RPUSD4: variants seen among roughly 807,000 people sequenced by gnomAD.
The protein encoded by RPUSD4 is pseudouridylate synthase RPUSD4, mitochondrial.
In RPUSD4, 37 loss-of-function variants were observed where a neutral mutation model predicts 35.4. The ratio of observed to expected loss-of-function variants is 1.04; its 90% CI spans 0.80 to 1.37. The LOEUF (loss-of-function observed/expected upper bound fraction) is 1.37, where lower values mean the gene tolerates loss of function less well. Ranked by LOEUF, RPUSD4 falls within the 40% of genes most tolerant of loss-of-function variation. RPUSD4 has a pLI of 0.00. For synonymous variants in RPUSD4, 210 were observed against 192.7 expected (o/e 1.09, Z -0.74); for missense variants, 507 against 484.9 (o/e 1.05, Z -0.43).
At chr11:126,208,068 G>C (rs1266195532) in intron 3 of RPUSD4, among the ~76,000 whole-genome samples, 2 of 151,124 alleles carry the variant, frequency 1.3e-5, no homozygotes, top group Non-Finnish European at 2.9e-5. Context: ...CTTTAAAAAT[G>C]CTTTGGCTGA....
In RPUSD4 at chr11:126,209,605, C is replaced by T; in HGVS notation, c.473G>A (p.Gly158Asp). Residue 158 changes from glycine to aspartate, a missense_variant, in exon 3 of 7, where the codon GGT becomes GAT. Coordinates refer to ENST00000298317, the MANE Select transcript of RPUSD4 (RefSeq NM_032795.3). The part of the protein sequence containing the change: ...LCHRLDKETT[G>D]VMVLAWDKDM... ...CTTGTCCCAAGCCAACACCATTACA[C>T]CTGTGGTTTCCTTGTCCAGCCGGTG... 1 of 1,614,246 alleles carries T rather than the reference C, an allele frequency of 6.2e-7. No individual in the cohort carries two copies. The highest frequency in any genetic ancestry group is 8.5e-7 in the Non-Finnish European group (1 of 1,180,052).
intron 3 of RPUSD4, 25 bp downstream of exon 3, chr11:126,209,496 C>A: frequency 6.3e-7 from 1 of 1,597,456 alleles, no homozygotes; most frequent in Non-Finnish European, 8.6e-7. Flanking sequence ...TATACCACCT[C>A]TACTGCCATC....
chr11:126,205,749 G>A lies in RPUSD4; in HGVS notation c.590C>T (p.Ala197Val), dbSNP rs776682950. Reference protein sequence around the residue: ...AITVHVPMPSAGVVDIPIVEK... With the variant: ...AITVHVPMPSVGVVDIPIVEK... ...CACAATGGGGATGTCCACGACTCCT[G>A]CTGAGGGCATGGGGACATGCACAGT... The change falls in exon 4 of 7, where the codon GCA (alanine) becomes GTA (valine). Residue 197 changes from alanine (A) to valine (V), a missense_variant. Physicochemically the swap from Ala to Val is moderately conservative, Grantham distance 64. Coordinates refer to ENST00000298317, the MANE Select transcript of RPUSD4 (RefSeq NM_032795.3). The A allele has an allele frequency of 1.8e-5, 29 of 1,612,192 alleles. No individual in the cohort carries two copies. Among genetic ancestry groups the A allele is most frequent in the Non-Finnish European group, 2.5e-5 (29 of 1,178,914 alleles).
chr11:126,203,312 G>T lies in RPUSD4; in HGVS notation c.*106C>A. ...CTGTTCCAAGTGAGAAGTTAGCAGA[G>T]TCCTGTAAACAAAGAACAGTTCAGG... is the stretch of plus-strand genomic sequence containing the variant. On this transcript the variant is annotated 3_prime_UTR_variant, in exon 7 of 7. Transcript: ENST00000298317. The T allele has an allele frequency of 2.0e-6, 3 of 1,499,710 alleles. No individual in the cohort carries two copies. Among genetic ancestry groups the T allele is most frequent in the Non-Finnish European group, 2.7e-6 (3 of 1,111,338 alleles). 92.9% of individuals were successfully genotyped at this position (1,499,710 alleles called of 1,614,324 possible).
rs1949766632 is a variant in RPUSD4, at chr11:126,205,731, G to C, written c.608C>G (p.Pro203Arg). Residue 203 changes from proline (P) to arginine (R), a missense_variant, in exon 4 of 7, where the codon CCC (proline) becomes CGC (arginine). Transcript: ENST00000298317. ...GCCTTGCGCCTCCTTCTCCACAATGGGGATGTCCACGACTCCTGCTGAGGG... is the reference window on the plus strand; with the variant it reads ...GCCTTGCGCCTCCTTCTCCACAATGCGGATGTCCACGACTCCTGCTGAGGG... ...PMPSAGVVDIPIVEKEAQGQQ... is the reference protein window; with the variant it reads ...PMPSAGVVDIRIVEKEAQGQQ... 1.9e-6 allele frequency: 3 copies of C among 1,613,296 alleles called. No homozygotes were observed. Among genetic ancestry groups the C allele is most frequent in the Middle Eastern group, 3.3e-4 (2 of 6,054 alleles).
In RPUSD4 at chr11:126,203,626, C is replaced by A. The variant is rs909416676; in HGVS notation, c.926G>T (p.Gly309Val). 2 of 1,613,454 alleles carry A rather than the reference C, an allele frequency of 1.2e-6. No individual in the cohort carries two copies. Among genetic ancestry groups the A allele is most frequent in the Non-Finnish European group, 1.7e-6 (2 of 1,179,590 alleles). ...GTAGCGGGCCTTCGACTGTTCTAGC[C>A]CCAGCTTCTTCAGGGTGCCCACAGA... ...KLSVGTLKKL[G>V]LEQSKARYIP... Residue 309 changes from glycine to valine, a missense_variant, in exon 7 of 7, where the codon GGG (glycine) becomes GTG (valine). Physicochemically the swap from Gly to Val is moderately radical, Grantham distance 109 (BLOSUM62 -3). Transcript: ENST00000298317.
chr11:126,210,454 G>C (rs1949836814), intron 2 of RPUSD4, among the ~76,000 whole-genome samples: 2 of 151,648 alleles, frequency 1.3e-5, no homozygotes, highest in Admixed American at 6.6e-5. Flanking sequence ...TCTGTTGAAA[G>C]ACATTTGAAG....
At chr11:126,204,510 G>A (rs1230661146) in intron 5 of RPUSD4, among the ~76,000 whole-genome samples, 182 bp from the exon 6 acceptor site, 1 of 152,116 alleles carries the variant, frequency 6.6e-6, no homozygotes, top group East Asian at 1.9e-4. Context: ...AGCCAGTTTA[G>A]GAAGTAAACG....
chr11:126,211,076 GT>G, intron 1 of RPUSD4, 21 bp from the exon 2 acceptor site: 1 of 1,610,890 alleles, frequency 6.2e-7, no homozygotes, highest in Non-Finnish European at 8.5e-7. Flanking sequence ...AGAAGGAGCC[GT>G]GGGGAATGCC....
At chr11:126,207,797 C>T (rs1003016890) in intron 3 of RPUSD4, among the ~76,000 whole-genome samples, 1 of 151,984 alleles carries the variant, frequency 6.6e-6, no homozygotes, top group Non-Finnish European at 1.5e-5. Context: ...CAAGATTGTG[C>T]CACTGCCCTC....
Position 126,209,629 on chromosome 11 carries a change from T to C in RPUSD4, c.449A>G (p.His150Arg), listed in dbSNP as rs777000635. The change falls in exon 3 of 7, where the codon CAC (histidine) becomes CGC (arginine). Residue 150 changes from histidine (H) to arginine (R), a missense_variant. Transcript: ENST00000298317. ...ACCTGTGGTTTCCTTGTCCAGCCGG[T>C]GGCACAGATGCAAGGGCTCTGCCTT... Reference protein sequence around the residue: ...GHKAEPLHLCHRLDKETTGVM... With the variant: ...GHKAEPLHLCRRLDKETTGVM... 6.2e-7 allele frequency: 1 copy of C among 1,614,230 alleles called. No homozygotes were observed. The highest frequency in any genetic ancestry group is 8.5e-7 in the Non-Finnish European group (1 of 1,180,034).
chr11:126,210,518 C>CAT (rs906702723), intron 2 of RPUSD4, among the ~76,000 whole-genome samples: 29 of 123,118 alleles, frequency 2.4e-4, no homozygotes, highest in Non-Finnish European at 4.0e-4. Context: ...CTCCAACATA[C>CAT]ATACACACAC....
chr11:126,211,302 C>A, intron 1 of RPUSD4, 148 bp downstream of exon 1: 1 of 1,003,788 alleles, frequency 1.0e-6, no homozygotes, highest in East Asian at 2.4e-5. Flanking sequence ...CTTACTGACC[C>A]CTCCCCTCCG....
intron 1 of RPUSD4, 78 bp downstream of exon 1, chr11:126,211,372 G>A (rs1209502718): frequency 2.1e-6 from 3 of 1,449,686 alleles, no homozygotes; most frequent in African/African-American, 1.4e-5. Flanking sequence ...TTCACTCAGA[G>A]GACCCTCCTA....
chr11:126,210,794 A>AAATTCAATTAATTTAATTAATTTAATT, intron 2 of RPUSD4, 96 bp downstream of exon 2: 1 of 1,223,362 alleles, frequency 8.2e-7, no homozygotes, highest in Non-Finnish European at 1.1e-6. Flanking sequence ...ATTTGAATGC[A>AAATTCAATTAATTTAATTAATTTAATT]AGGCTTTAGA....
intron 5 of RPUSD4, among the ~76,000 whole-genome samples, chr11:126,204,541 T>C (rs1163842425): frequency 6.6e-6 from 1 of 152,140 alleles, no homozygotes; most frequent in Non-Finnish European, 1.5e-5. Context: ...TCTAAGTACC[T>C]CTCCCCACCA....
chr11:126,206,077 G>T, intron 3 of RPUSD4: 2 of 244,516 alleles, frequency 8.2e-6, no homozygotes, highest in Non-Finnish European at 1.5e-5. Flanking sequence ...GATATGTACA[G>T]TTAAAATAAA....
At chr11:126,205,824 G>T in intron 3 of RPUSD4, 43 bp from the exon 4 acceptor site, 1 of 1,479,372 alleles carries the variant, frequency 6.8e-7, no homozygotes, top group Non-Finnish European at 9.1e-7. Context: ...CCAAGCCAGA[G>T]AAGAACTCCT....
At chr11:126,208,102 C>A (rs1316791111) in intron 3 of RPUSD4, among the ~76,000 whole-genome samples, 1 of 151,922 alleles carries the variant, frequency 6.6e-6, no homozygotes, top group African/African-American at 2.4e-5. Flanking sequence ...GTACTCACCA[C>A]TGCTGGTGGG....
Sources: gnomAD v4.1 joint callset for allele counts (sites outside exome capture counted in the v4.1 genomes callset) on GRCh38, gnomAD v4.1.1 for gene constraint, MANE v1.5 for transcripts, NCBI Gene and HGNC (gene_info 2026-07-23, HGNC 2026-07-21) for gene names.